The following PCA3 variants were observed in gnomAD, a reference collection of about 807,000 sequenced individuals.
PCA3 encodes prostate cancer associated 3, also known as Differential Display code 3.
chr9:76,774,450 C>CTTTTTTTATTTATTTTTTTATT (rs1564272256), intron 2 of PCA3, among the ~76,000 whole-genome samples: 4 of 41,400 alleles, frequency 9.7e-5, no homozygotes, highest in African/African-American at 1.9e-4. Flanking sequence ...CAGTTCAACC[C>CTTTTTTTATTTATTTTTTTATT]TTTTTTTTTT....
At chr9:76,766,955 T>C (rs2130849092) in intron 2 of PCA3, among the ~76,000 whole-genome samples, 1 of 152,302 alleles carries the variant, frequency 6.6e-6, no homozygotes, top group African/African-American at 2.4e-5. Context: ...TTATTGTTTA[T>C]CATCTACCTC....
At chr9:76,778,578 C>T (rs1020895331) in intron 2 of PCA3, 4 of 152,158 alleles carry the variant, frequency 2.6e-5, no homozygotes, top group Non-Finnish European at 4.4e-5. Flanking sequence ...TGAAGTTTAG[C>T]CCAATTGTTT....
At chr9:76,773,623 T>C (rs2053368566) in intron 2 of PCA3, among the ~76,000 whole-genome samples, 2 of 152,066 alleles carry the variant, frequency 1.3e-5, no homozygotes, top group African/African-American at 4.8e-5. Flanking sequence ...TTTGTACTTT[T>C]AGTACAGGAG....
intron 2 of PCA3, among the ~76,000 whole-genome samples, chr9:76,771,510 A>G (rs939295577): frequency 2.0e-5 from 3 of 152,224 alleles, no homozygotes; most frequent in African/African-American, 7.2e-5. Flanking sequence ...AGGCAGGTAC[A>G]ATGAGGAAGA....
At chr9:76,766,283 G>A (rs1248811509) in intron 2 of PCA3, among the ~76,000 whole-genome samples, 2 of 151,856 alleles carry the variant, frequency 1.3e-5, no homozygotes, top group Non-Finnish European at 2.9e-5. Flanking sequence ...AAAGCTTCAG[G>A]GGATACCATA....
intron 2 of PCA3, among the ~76,000 whole-genome samples, chr9:76,773,320 CAGAATGA>C (rs1300882000): frequency 6.6e-6 from 1 of 152,012 alleles, no homozygotes; most frequent in Non-Finnish European, 1.5e-5. Flanking sequence ...GGGAGAATAC[CAGAATGA>C]AGAATGGGAA....
chr9:76,770,013 C>T (rs921567961), intron 2 of PCA3, among the ~76,000 whole-genome samples: 2 of 152,108 alleles, frequency 1.3e-5, no homozygotes, highest in South Asian at 2.1e-4. Context: ...GGATTAAAAA[C>T]ATAAAATTTA....
intron 2 of PCA3, chr9:76,784,818 C>T (rs1390413291): frequency 2.6e-5 from 4 of 152,476 alleles, no homozygotes; most frequent in Admixed American, 6.5e-5. Flanking sequence ...TAATCAACAT[C>T]ATCCTCAGTG....
intron 2 of PCA3, among the ~76,000 whole-genome samples, chr9:76,765,951 G>C (rs2052324850): frequency 6.6e-6 from 1 of 152,124 alleles, no homozygotes; most frequent in Non-Finnish European, 1.5e-5. Flanking sequence ...GGGAGGCCAA[G>C]GCAGGCTGAT....
chr9:76,782,629 G>A (rs535592241), intron 2 of PCA3: 2 of 152,314 alleles, frequency 1.3e-5, no homozygotes, highest in South Asian at 2.1e-4. Flanking sequence ...GGAGTTATAA[G>A]CGCAGAGTTT....
rs140032621 is a variant in PCA3 at position 76,780,692 on chromosome 9, AAAAC to A, written n.853-27867_853-27864del. ...GGCGACAGAGCAAGACTCCGTCTCAAAAACAAACAAACAAACAAACAAACAAAAA... is the reference window on the plus strand; with the variant it reads ...GGCGACAGAGCAAGACTCCGTCTCAAAAACAAACAAACAAACAAACAAAAA... On this transcript the variant is annotated intron_variant and non_coding_transcript_variant, in intron 2 of 5. Coordinates refer to ENST00000644657, the Ensembl canonical transcript of PCA3. Among the ~76,000 whole-genome samples, 79 of 152,186 alleles carry A rather than the reference AAAAC, an allele frequency of 5.2e-4. 1 individual carries two copies. Among genetic ancestry groups the A allele is most frequent in the African/African-American group, 1.2e-3 (49 of 41,492 alleles).
At chr9:76,776,091 T>C (rs1011429655) in intron 2 of PCA3, among the ~76,000 whole-genome samples, 6 of 152,230 alleles carry the variant, frequency 3.9e-5, no homozygotes, top group Admixed American at 6.5e-5. Flanking sequence ...AATCAACTCA[T>C]GAGTAAATAT....
chr9:76,781,484 C>T (rs1229915609), intron 2 of PCA3, among the ~76,000 whole-genome samples: 1 of 152,200 alleles, frequency 6.6e-6, no homozygotes, highest in Non-Finnish European at 1.5e-5. Flanking sequence ...TACCCCTAGT[C>T]CTTTCCTGGC....
intron 2 of PCA3, among the ~76,000 whole-genome samples, chr9:76,768,787 C>T (rs1437841237): frequency 6.6e-6 from 1 of 152,108 alleles, no homozygotes; most frequent in Non-Finnish European, 1.5e-5. Context: ...GATTTAATCA[C>T]AAATCACTGG....
At chr9:76,772,068 G>A (rs2053175391) in intron 2 of PCA3, among the ~76,000 whole-genome samples, 1 of 152,140 alleles carries the variant, frequency 6.6e-6, no homozygotes, top group South Asian at 2.1e-4. Context: ...CAAGAATCCT[G>A]GAATTCCACT....
At chr9:76,777,753 T>C (rs2053955668) in intron 2 of PCA3, among the ~76,000 whole-genome samples, 1 of 152,108 alleles carries the variant, frequency 6.6e-6, no homozygotes, top group Admixed American at 6.5e-5. Context: ...GGATAGAGAA[T>C]ATCAGGGGAA....
intron 2 of PCA3, among the ~76,000 whole-genome samples, chr9:76,776,985 G>A (rs1009897258): frequency 2.7e-5 from 4 of 146,698 alleles, no homozygotes; most frequent in Non-Finnish European, 3.0e-5. Flanking sequence ...GGAGATTCTC[G>A]GCACTCCTAA....
intron 2 of PCA3, among the ~76,000 whole-genome samples, chr9:76,779,387 A>G (rs1481773349): frequency 6.6e-6 from 1 of 152,216 alleles, no homozygotes; most frequent in African/African-American, 2.4e-5. Context: ...TCCAAAGCCA[A>G]CGTCGAATTT....
intron 2 of PCA3, among the ~76,000 whole-genome samples, chr9:76,775,394 T>C (rs1169615629): frequency 6.6e-6 from 1 of 152,104 alleles, no homozygotes; most frequent in Non-Finnish European, 1.5e-5. Context: ...CCTTCCAGGC[T>C]CAAGCGATCC....
Sources: gnomAD v4.1 joint callset for allele counts (sites outside exome capture counted in the v4.1 genomes callset) on GRCh38, gnomAD v4.1.1 for gene constraint, MANE v1.5 for transcripts, NCBI Gene and HGNC (gene_info 2026-07-23, HGNC 2026-07-21) for gene names.